CDC42BPB: variants seen among roughly 807,000 people sequenced by gnomAD.
CDC42BPB encodes CDC42 binding protein kinase beta, also known as serine/threonine-protein kinase MRCK beta.
A neutral mutation model predicts 214.9 loss-of-function variants in CDC42BPB; 37 were observed. The ratio of observed to expected loss-of-function variants is 0.17; its 90% CI spans 0.13 to 0.23. CDC42BPB has a LOEUF of 0.23. Among genes scored for constraint, CDC42BPB ranks in the 10% least tolerant of loss-of-function variants. CDC42BPB has a pLI of 1.00. For missense variants in CDC42BPB, 1,694 were observed against 2,227.0 expected (o/e 0.76, Z 4.82); for synonymous variants, 931 against 884.0 (o/e 1.05, Z -0.94).
chr14:103,033,204 C>G (rs1887488443), intron 1 of CDC42BPB, among the ~76,000 whole-genome samples: 1 of 151,834 alleles, frequency 6.6e-6, no homozygotes, highest in African/African-American at 2.4e-5. Context: ...TATGCTCTAC[C>G]TCTTTTTGTT....
intron 14 of CDC42BPB, 95 bp downstream of exon 14, chr14:102,970,056 G>T (rs541274576): frequency 2.0e-6 from 2 of 1,004,954 alleles, no homozygotes; most frequent in Non-Finnish European, 3.0e-6. Flanking sequence ...CACTCGGCCC[G>T]GACCACACAT....
intron 36 of CDC42BPB, among the ~76,000 whole-genome samples, chr14:102,937,678 G>A (rs1891702162): frequency 1.3e-5 from 2 of 152,270 alleles, no homozygotes; most frequent in African/African-American, 4.8e-5. Flanking sequence ...GCTTGTCCTG[G>A]AGGTGGTCCC....
At chr14:103,056,162 G>C (rs1320197293) in intron 1 of CDC42BPB, among the ~76,000 whole-genome samples, 5 of 152,102 alleles carry the variant, frequency 3.3e-5, no homozygotes, top group African/African-American at 4.8e-5. Flanking sequence ...AAACATTATA[G>C]ATCCGGAACG....
chr14:103,019,758 T>C (rs1886664502), intron 1 of CDC42BPB, among the ~76,000 whole-genome samples: 1 of 152,244 alleles, frequency 6.6e-6, no homozygotes. Flanking sequence ...ATCAATCTCT[T>C]CATTCCTCCT....
intron 1 of CDC42BPB, among the ~76,000 whole-genome samples, chr14:103,047,008 G>A (rs781460372): frequency 2.6e-5 from 4 of 151,498 alleles, no homozygotes; most frequent in Non-Finnish European, 4.4e-5. Flanking sequence ...TTCTTGGCTG[G>A]GCGCGGCAGC....
At chr14:102,992,819 T>A (rs1894557539) in intron 5 of CDC42BPB, among the ~76,000 whole-genome samples, 1 of 148,484 alleles carries the variant, frequency 6.7e-6, no homozygotes. Context: ...AAAATATATA[T>A]TTTATTTATT....
chr14:102,964,259 C>T (rs35128285), intron 19 of CDC42BPB, among the ~76,000 whole-genome samples: 1,968 of 152,316 alleles, frequency 0.013, 21 homozygotes, highest in Non-Finnish European at 0.017. Context: ...AAACACGGCT[C>T]GCACCGCACC....
chr14:102,967,582 C>CCAGG (rs1399453677), intron 16 of CDC42BPB, among the ~76,000 whole-genome samples: 1 of 152,242 alleles, frequency 6.6e-6, no homozygotes, highest in Non-Finnish European at 1.5e-5. Context: ...GCACACCAGG[C>CCAGG]CCTGTGGTAC....
At chr14:102,936,623 A>C (rs1278206859) in intron 36 of CDC42BPB, among the ~76,000 whole-genome samples, 2 of 152,138 alleles carry the variant, frequency 1.3e-5, no homozygotes, top group African/African-American at 4.8e-5. Context: ...AGAGTGCTTA[A>C]AGGGCAGGGG....
intron 8 of CDC42BPB, among the ~76,000 whole-genome samples, 186 bp downstream of exon 8, chr14:102,980,587 G>A (rs556100418): frequency 7.2e-5 from 11 of 152,254 alleles, no homozygotes; most frequent in Non-Finnish European, 1.6e-4. Flanking sequence ...TACTCAAATT[G>A]AGTCATCCAT....
At chr14:102,941,068 AG>A in intron 30 of CDC42BPB, 1 of 955,164 alleles carries the variant, frequency 1.0e-6, no homozygotes, top group Non-Finnish European at 1.2e-6. Flanking sequence ...CACGTTTAGA[AG>A]AGCAGTGACA....
chr14:103,008,099 G>T (rs1298940587), intron 3 of CDC42BPB, among the ~76,000 whole-genome samples: 18 of 152,248 alleles, frequency 1.2e-4, no homozygotes, highest in Admixed American at 1.2e-3. Context: ...CTCTAGGTGG[G>T]AATCTAAAGA....
In CDC42BPB at chr14:102,964,423, G is replaced by A. The variant is rs534835776; in HGVS notation, c.2726+79C>T. 179 of 1,518,984 alleles carry A rather than the reference G, an allele frequency of 1.2e-4. No individual in the cohort carries two copies. The East Asian group carries it at 2.1e-3, about 18-fold the overall frequency. 94.1% of individuals were successfully genotyped at this position (1,518,984 alleles called of 1,614,324 possible). ...CCCGATTTTCCAGGCGAGGAGCATC[G>A]GAGCCCGTGAGGCTCAGGGCGGGCT... On this transcript the variant is annotated intron_variant, in intron 19 of 36. Coordinates refer to ENST00000361246, the MANE Select transcript of CDC42BPB (RefSeq NM_006035.4).
intron 21 of CDC42BPB, among the ~76,000 whole-genome samples, chr14:102,955,464 T>C (rs1042272061): frequency 7.9e-5 from 12 of 152,164 alleles, no homozygotes; most frequent in Non-Finnish European, 1.6e-4. Flanking sequence ...AAATGCTTCT[T>C]AACCTCATTT....
In CDC42BPB at chr14:102,947,774, G is replaced by A; in HGVS notation, c.3478C>T (p.Leu1160=). ...GTAGCATGAATGACATCTGAGGCCA[G>A]GACTGAGCTCACGGAAAACTCGTCA... ...RDDEFSVSSV[L]ASDVIHATRR... Residue 1160 remains leucine (L), a synonymous_variant, in exon 27 of 37, where the codon CTG becomes TTG. Coordinates refer to ENST00000361246, the MANE Select transcript of CDC42BPB (RefSeq NM_006035.4). 6.2e-7 allele frequency: 1 copy of A among 1,612,574 alleles called. No individual in the cohort carries two copies. Among genetic ancestry groups the A allele is most frequent in the Non-Finnish European group, 8.5e-7 (1 of 1,179,870 alleles).
intron 34 of CDC42BPB, chr14:102,938,689 C>A (rs182769047): frequency 1.2e-4 from 48 of 400,428 alleles, no homozygotes; most frequent in African/African-American, 1.0e-3. Flanking sequence ...AGTGCAATGA[C>A]GTGATCTCGG....
intron 5 of CDC42BPB, among the ~76,000 whole-genome samples, chr14:102,989,113 A>C (rs1206000112): frequency 2.6e-5 from 4 of 152,206 alleles, no homozygotes; most frequent in Non-Finnish European, 4.4e-5. Flanking sequence ...AAAAGGGTAA[A>C]ACCAATGAAA....
intron 4 of CDC42BPB, among the ~76,000 whole-genome samples, chr14:103,000,041 T>A (rs995782168): frequency 6.6e-6 from 1 of 152,204 alleles, no homozygotes; most frequent in Non-Finnish European, 1.5e-5. Context: ...TAATAGCCCA[T>A]CAATCCTATG....
At chr14:103,038,536 T>C (rs563883648) in intron 1 of CDC42BPB, among the ~76,000 whole-genome samples, 1 of 152,110 alleles carries the variant, frequency 6.6e-6, no homozygotes, top group Admixed American at 6.5e-5. Context: ...ACAATTACTT[T>C]TTATTTTTTG....
Sources: allele counts gnomAD v4.1 joint callset (sites outside exome capture counted in the v4.1 genomes callset), GRCh38; gene constraint gnomAD v4.1.1; transcripts MANE v1.5; gene names NCBI Gene and HGNC (gene_info 2026-07-23, HGNC 2026-07-21).